Variants in RBFOX1 observed in about 807,000 individuals in gnomAD.
RBFOX1 encodes the protein RNA binding fox-1 homolog 1, also known as RNA binding protein fox-1 homolog 1.
RBFOX1 carries 8 observed loss-of-function variants against 57.7 expected under a neutral mutation model. That is an observed-to-expected ratio of 0.14 (90% CI 0.08 to 0.25). The LOEUF is 0.25. Among genes scored for constraint, RBFOX1 ranks in the 10% least tolerant of loss-of-function variants. The pLI is 1.00. For missense variants in RBFOX1, 611 were observed against 548.5 expected (o/e 1.11, Z -1.14); for synonymous variants, 326 against 222.4 (o/e 1.47, Z -4.15).
In RBFOX1 at chr16:7,163,259, T is replaced by A. The variant is rs1416153298; in HGVS notation, c.27+111161T>A. On this transcript the variant is annotated intron_variant, in intron 4 of 15. Transcript: ENST00000550418. ...TTCTTTTGACTATTACGTTGTTTGATTTGGACGAAGGGGCAGGGGGTTGTA... is the reference window on the plus strand; with the variant it reads ...TTCTTTTGACTATTACGTTGTTTGAATTGGACGAAGGGGCAGGGGGTTGTA... 2.6e-5 allele frequency among the ~76,000 whole-genome samples: 4 copies of A among 152,266 alleles called. No individual in the cohort carries two copies. The East Asian group carries it at 7.7e-4, about 29-fold the overall frequency.
intron 3 of RBFOX1, among the ~76,000 whole-genome samples, chr16:7,029,223 CACAT>C (rs1395696893): frequency 4.2e-5 from 4 of 94,964 alleles, no homozygotes; most frequent in South Asian, 6.6e-4. Context: ...TATATATACA[CACAT>C]ATATATACGT....
At chr16:7,087,508 G>T (rs1034499169) in intron 4 of RBFOX1, among the ~76,000 whole-genome samples, 3 of 150,100 alleles carry the variant, frequency 2.0e-5, no homozygotes, top group Non-Finnish European at 3.0e-5. Context: ...ACCTAAGCAG[G>T]CTTGACAGAA....
At chr16:7,456,905 T>C (rs1054967098) in intron 4 of RBFOX1, among the ~76,000 whole-genome samples, 1 of 152,116 alleles carries the variant, frequency 6.6e-6, no homozygotes, top group South Asian at 2.1e-4. Context: ...TTCTTTTTTT[T>C]TTTGAAACGG....
chr16:7,447,925 T>A (rs1258947932), intron 4 of RBFOX1, among the ~76,000 whole-genome samples: 1 of 152,248 alleles, frequency 6.6e-6, no homozygotes. Context: ...GCATCTGCGT[T>A]AAATATGTAC....
At chr16:7,440,097 T>C (rs1034078734) in intron 4 of RBFOX1, among the ~76,000 whole-genome samples, 2 of 151,878 alleles carry the variant, frequency 1.3e-5, no homozygotes, top group African/African-American at 2.4e-5. Flanking sequence ...GGTTTTGCCG[T>C]GTCGCCTAGG....
At chr16:6,705,300 G>T (rs2062534891) in intron 3 of RBFOX1, 1 of 150,650 alleles carries the variant, frequency 6.6e-6, no homozygotes, top group South Asian at 2.1e-4. Flanking sequence ...TGTTTGAGTG[G>T]GAGGTTACAA....
At chr16:5,840,696 AG>A (rs1338398147) in intron 3 of RBFOX1, among the ~76,000 whole-genome samples, 2 of 152,156 alleles carry the variant, frequency 1.3e-5, no homozygotes, top group Non-Finnish European at 1.5e-5. Context: ...CACTGCTTGG[AG>A]ATGTGTGTAG....
chr16:6,472,519 A>T (rs1454435355), intron 2 of RBFOX1, among the ~76,000 whole-genome samples: 1 of 152,142 alleles, frequency 6.6e-6, no homozygotes, highest in Admixed American at 6.5e-5. Flanking sequence ...CATACTGCTG[A>T]CATCTGTGGA....
chr16:7,504,349 A>G (rs530645784), intron 4 of RBFOX1, among the ~76,000 whole-genome samples: 5 of 152,192 alleles, frequency 3.3e-5, no homozygotes, highest in Non-Finnish European at 5.9e-5. Context: ...AAGTAACACT[A>G]TCATCATTAA....
At chr16:7,496,747 G>GAAAAAAAAAAAA (rs71150303) in intron 4 of RBFOX1, among the ~76,000 whole-genome samples, 4 of 127,488 alleles carry the variant, frequency 3.1e-5, no homozygotes, top group Admixed American at 2.6e-4. Flanking sequence ...CTACAGAACA[G>GAAAAAAAAAAAA]AAAAAAAAAA....
intron 1 of RBFOX1, among the ~76,000 whole-genome samples, chr16:6,021,044 A>G (rs1299688209): frequency 1.2e-4 from 18 of 152,192 alleles, no homozygotes; most frequent in Admixed American, 1.2e-3. Flanking sequence ...CGGCTACTGA[A>G]GAGCTTGGAA....
intron 14 of RBFOX1, among the ~76,000 whole-genome samples, chr16:7,698,333 C>A (rs1012796406): frequency 1.3e-5 from 2 of 151,932 alleles, no homozygotes; most frequent in Non-Finnish European, 2.9e-5. Context: ...ATCTCAGTTC[C>A]TGATGAGTAT....
In RBFOX1 at chr16:6,457,987, A is replaced by G. The variant is rs76083253; in HGVS notation, c.-64+140930A>G. 1.3e-3 allele frequency among the ~76,000 whole-genome samples: 194 copies of G among 147,448 alleles called. 1 individual carries two copies. The highest frequency in any genetic ancestry group is 4.5e-3 in the African/African-American group (181 of 39,918). On this transcript the variant is annotated intron_variant, in intron 2 of 15. Transcript: ENST00000550418. ...CAAACAGATGCGTGTGCACACACAT[A>G]CATAGGTTTGTGTTCTCAAAACTGA...
chr16:6,438,743 C>T (rs1308554066), intron 2 of RBFOX1, among the ~76,000 whole-genome samples: 4 of 152,118 alleles, frequency 2.6e-5, no homozygotes, highest in African/African-American at 4.8e-5. Flanking sequence ...ATAAGAGCCT[C>T]ACCATGCATA....
chr16:7,368,058 G>A (rs1280629644), intron 4 of RBFOX1, among the ~76,000 whole-genome samples: 2 of 152,070 alleles, frequency 1.3e-5, no homozygotes, highest in Admixed American at 1.3e-4. Flanking sequence ...GCTGAGGTCA[G>A]GGGTTTGAGA....
chr16:7,406,870 C>A (rs191577256), intron 4 of RBFOX1, among the ~76,000 whole-genome samples: 2 of 152,138 alleles, frequency 1.3e-5, no homozygotes, highest in Admixed American at 1.3e-4. Flanking sequence ...TTTCTAGTTT[C>A]TAGAGGCCAC....
chr16:7,688,260 T>TGAGAGAGA (rs141940868), intron 14 of RBFOX1, among the ~76,000 whole-genome samples: 16 of 125,390 alleles, frequency 1.3e-4, no homozygotes, highest in African/African-American at 4.4e-4. Flanking sequence ...TGTGTGTGTG[T>TGAGAGAGA]GAGAGAGAGA....
At chr16:6,110,637 A>C (rs2096435236) in intron 1 of RBFOX1, among the ~76,000 whole-genome samples, 1 of 152,118 alleles carries the variant, frequency 6.6e-6, no homozygotes, top group Non-Finnish European at 1.5e-5. Flanking sequence ...TGTGAAGGAC[A>C]CTCCACGAGT....
intron 3 of RBFOX1, among the ~76,000 whole-genome samples, chr16:6,940,846 C>G (rs2078283171): frequency 2.7e-5 from 2 of 73,034 alleles, no homozygotes. Flanking sequence ...CCATGTCCGG[C>G]TAGTCTGTGT....
Sources: gnomAD v4.1 joint callset for allele counts (sites outside exome capture counted in the v4.1 genomes callset) on GRCh38, gnomAD v4.1.1 for gene constraint, MANE v1.5 for transcripts, NCBI Gene and HGNC (gene_info 2026-07-23, HGNC 2026-07-21) for gene names.